The following PCDHA3 variants were observed in gnomAD, a reference collection of about 807,000 sequenced individuals.
The protein encoded by PCDHA3 is protocadherin alpha 3.
A neutral mutation model predicts 62.2 loss-of-function variants in PCDHA3; 41 were observed. That is an observed-to-expected ratio of 0.66 (90% confidence interval 0.51 to 0.86). The LOEUF (loss-of-function observed/expected upper bound fraction) is 0.86, where lower values mean the gene tolerates loss of function less well. PCDHA3 is among the 40% of genes least tolerant of loss of function. The probability of loss-of-function intolerance (pLI) is 0.00; values close to 1 mark genes in which losing one functional copy is unlikely to be tolerated. For missense variants in PCDHA3, 1,304 were observed against 1,241.2 expected, an observed-to-expected ratio of 1.05 and a Z score of -0.76; for synonymous variants, 640 against 555.4, an observed-to-expected ratio of 1.15 and a Z score of -2.14.
intron 1 of PCDHA3, chr5:140,929,609 A>G: frequency 2.4e-6 from 1 of 410,256 alleles, no homozygotes; most frequent in Non-Finnish European, 4.4e-6. Flanking sequence ...TAAAAATAAA[A>G]TACCAAAATA....
At chr5:140,853,282 C>T in intron 1 of PCDHA3, 5 of 980,348 alleles carry the variant, frequency 5.1e-6, no homozygotes, top group Non-Finnish European at 6.1e-6. Flanking sequence ...TCATCATATG[C>T]AAATTCTCAG....
At chr5:140,822,806 A>C in intron 1 of PCDHA3, 2 of 1,614,176 alleles carry the variant, frequency 1.2e-6, no homozygotes, top group Non-Finnish European at 1.7e-6. Context: ...GATGTGAATG[A>C]TAATACCCCA....
At chr5:140,850,096 A>C (rs2150466906) in intron 1 of PCDHA3, 2 of 1,596,118 alleles carry the variant, frequency 1.3e-6, no homozygotes, top group African/African-American at 1.3e-5. Context: ...CTACAGTTCC[A>C]GGTGAGCGCG....
chr5:140,839,021 A>G (rs1403087386), intron 1 of PCDHA3, among the ~76,000 whole-genome samples: 1 of 152,058 alleles, frequency 6.6e-6, no homozygotes, highest in East Asian at 1.9e-4. Flanking sequence ...TTATTTTAGG[A>G]TATGTTACTG....
At chr5:140,938,947 A>AT (rs1554212493) in intron 1 of PCDHA3, among the ~76,000 whole-genome samples, 1 of 152,094 alleles carries the variant, frequency 6.6e-6, no homozygotes, top group Non-Finnish European at 1.5e-5. Flanking sequence ...CATTCTTATA[A>AT]TGCTCTAGTC....
intron 1 of PCDHA3, chr5:140,836,629 C>CGA: frequency 4.3e-6 from 7 of 1,613,468 alleles, no homozygotes; most frequent in Non-Finnish European, 5.9e-6. Flanking sequence ...GGGAGCTGGT[C>CGA]ATTCTCCCAG....
At chr5:140,807,548 G>C in intron 1 of PCDHA3, 2 of 1,614,176 alleles carry the variant, frequency 1.2e-6, no homozygotes, top group African/African-American at 1.3e-5. Flanking sequence ...CCATGTGGAC[G>C]TGGAGGTGAG....
intron 1 of PCDHA3, chr5:140,813,669 T>C (rs1239487603): frequency 6.6e-6 from 1 of 152,186 alleles, no homozygotes; most frequent in Non-Finnish European, 1.5e-5. Flanking sequence ...TAAAGCACTA[T>C]ACATTTAGGC....
At chr5:140,806,504 C>T (rs1297737368) in intron 1 of PCDHA3, among the ~76,000 whole-genome samples, 2 of 152,204 alleles carry the variant, frequency 1.3e-5, no homozygotes, top group Admixed American at 1.3e-4. Flanking sequence ...TCAAGGAAGA[C>T]ATCTAATTAA....
chr5:140,883,403 T>G, intron 1 of PCDHA3: 1 of 1,614,168 alleles, frequency 6.2e-7, no homozygotes, highest in Non-Finnish European at 8.5e-7. Context: ...CGATCGTGAC[T>G]CTGGCTCAAA....
chr5:140,839,588 C>T lies in PCDHA3; in HGVS notation c.2394+35997C>T, dbSNP rs145358613. 8.3e-3 allele frequency among the ~76,000 whole-genome samples: 1,255 copies of T among 152,068 alleles called. 26 individuals are homozygous for T. Among genetic ancestry groups the T allele is most frequent in the African/African-American group, 0.029 (1,202 of 41,420 alleles). On this transcript the variant is annotated intron_variant, in intron 1 of 3. Transcript: ENST00000522353. ...TATTTTTTGTAGAGATGGGGTCTTACCATGTTGCCCAGGCTGGTCTCAAAC... is the reference window on the plus strand; with the variant it reads ...TATTTTTTGTAGAGATGGGGTCTTATCATGTTGCCCAGGCTGGTCTCAAAC...
At chr5:140,862,429 A>G (rs2047360800) in intron 1 of PCDHA3, 1 of 354,378 alleles carries the variant, frequency 2.8e-6, no homozygotes, top group Admixed American at 3.8e-5. Context: ...CCCAGAAACT[A>G]TTCGTTGGTA....
At chr5:140,960,303 C>G (rs2095539243) in intron 1 of PCDHA3, among the ~76,000 whole-genome samples, 1 of 152,132 alleles carries the variant, frequency 6.6e-6, no homozygotes, top group African/African-American at 2.4e-5. Context: ...TTCATCAATA[C>G]CAACCTCATT....
intron 3 of PCDHA3, among the ~76,000 whole-genome samples, chr5:140,997,793 T>G (rs2097785892): frequency 6.6e-6 from 1 of 152,112 alleles, no homozygotes; most frequent in Non-Finnish European, 1.5e-5. Context: ...ATATTATAAT[T>G]TATCCAATTT....
Position 141,010,322 on chromosome 5 carries a change from C to G in PCDHA3, c.*385C>G. 6.5e-7 allele frequency: 1 copy of G among 1,540,986 alleles called. No homozygotes were observed. The highest frequency in any genetic ancestry group is 8.7e-7 in the Non-Finnish European group (1 of 1,143,174). Reference sequence around the variant, plus strand: ...GCTGAAAAGTTTTGAGATTGAGCAGCTTGGGAGTTTGTGGCCACTGGGTAT... The same window carrying G: ...GCTGAAAAGTTTTGAGATTGAGCAGGTTGGGAGTTTGTGGCCACTGGGTAT... On this transcript the variant is annotated 3_prime_UTR_variant, in exon 4 of 4. Transcript: ENST00000522353.
rs200338376 is a variant in PCDHA3, at chr5:140,927,680, G to C, written c.2395-51269G>C. On this transcript the variant is annotated intron_variant, in intron 1 of 3. Transcript: ENST00000522353. ...GTTCAAGCCTTGGATCCAGATGAAGGGTCCAATGGGGAAGTCCAGTACTCC... is the reference window on the plus strand; with the variant it reads ...GTTCAAGCCTTGGATCCAGATGAAGCGTCCAATGGGGAAGTCCAGTACTCC... The C allele has an allele frequency of 2.2e-5, 36 of 1,614,022 alleles. No individual in the cohort carries two copies. The Admixed American group carries it at 4.5e-4, about 20-fold the overall frequency.
intron 1 of PCDHA3, chr5:140,870,462 G>A (rs181856615): frequency 6.4e-4 from 1,040 of 1,614,196 alleles, no homozygotes; most frequent in Non-Finnish European, 8.0e-4. Flanking sequence ...ATGCGCCTGC[G>A]TTCGCACAGC....
At chr5:140,869,378 G>T in intron 1 of PCDHA3, 3 of 1,614,168 alleles carry the variant, frequency 1.9e-6, no homozygotes, top group East Asian at 2.2e-5. Flanking sequence ...CGGATCGACC[G>T]CGAGGAGCTG....
At chr5:140,837,815 T>C (rs903227742) in intron 1 of PCDHA3, among the ~76,000 whole-genome samples, 3 of 151,770 alleles carry the variant, frequency 2.0e-5, no homozygotes, top group Admixed American at 2.0e-4. Flanking sequence ...TAGCTGGGAA[T>C]ACAGTTTGCA....
Sources: allele counts gnomAD v4.1 joint callset (sites outside exome capture counted in the v4.1 genomes callset), GRCh38; gene constraint gnomAD v4.1.1; transcripts MANE v1.5; gene names NCBI Gene and HGNC (gene_info 2026-07-23, HGNC 2026-07-21).